Variants in CD47 observed in about 807,000 individuals in gnomAD.
CD47 encodes leukocyte surface antigen CD47.
Under a neutral mutation model 44.6 loss-of-function variants are expected in CD47, and 11 were observed. The ratio of observed to expected loss-of-function variants is 0.25; its 90% CI spans 0.16 to 0.41. The LOEUF is 0.41. CD47 is among the 10% of genes least tolerant of loss of function. CD47 has a pLI of 1.00. For synonymous variants in CD47, 140 were observed against 136.3 expected, an observed-to-expected ratio of 1.03 and a Z score of -0.19; for missense variants, 306 against 386.7, an observed-to-expected ratio of 0.79 and a Z score of 1.75.
rs2079432316 is a variant in CD47, at chr3:108,082,116, A to AT, written c.47-1773_47-1772insA. 2.0e-5 allele frequency among the ~76,000 whole-genome samples: 3 copies of AT among 152,006 alleles called. No individual in the cohort carries two copies. In the South Asian group the frequency reaches 6.2e-4, roughly 31 times the overall value. ...GATGTTCAAATTATAAAGGAAGGAA[A>AT]GTATCAGAAAATATGGTGAAGATTT... is the stretch of plus-strand genomic sequence containing the variant. On this transcript the variant is annotated intron_variant, in intron 1 of 10. Transcript: ENST00000361309.
chr3:108,048,967 C>G (rs922568807), intron 10 of CD47, among the ~76,000 whole-genome samples: 3 of 152,120 alleles, frequency 2.0e-5, no homozygotes, highest in Non-Finnish European at 4.4e-5. Flanking sequence ...ATGCTTGTAG[C>G]ACTCAATATC....
chr3:108,054,969 A>G (rs889914200), intron 7 of CD47, among the ~76,000 whole-genome samples: 1 of 152,178 alleles, frequency 6.6e-6, no homozygotes, highest in African/African-American at 2.4e-5. Context: ...GCCCAACTTT[A>G]GTGAGTTTGG....
Position 108,080,000 on chromosome 3 carries a change from A to C in CD47, c.391T>G (p.Tyr131Asp). 1.9e-6 allele frequency: 3 copies of C among 1,605,746 alleles called. No individual in the cohort carries two copies. Residue 131 changes from tyrosine to aspartate, a missense_variant, in exon 2 of 11, where the codon TAT becomes GAT. Tyr to Asp is a radical substitution (Grantham distance 160). This residue lies in a region of CD47 where 65 missense variants were observed against 119.9 expected (regional missense o/e 0.54). Coordinates refer to ENST00000361309, the MANE Select transcript of CD47 (RefSeq NM_001777.4). ...REGETIIELK[Y>D]RVVSWFSPNE... Reference sequence around the variant, plus strand: ...TTCATAGAAGTCTTACCAACACGATATTTTAGCTCGATGATCGTTTCACCT... The same window carrying C: ...TTCATAGAAGTCTTACCAACACGATCTTTTAGCTCGATGATCGTTTCACCT...
chr3:108,047,084 C>A lies in CD47; in HGVS notation c.*204G>T, dbSNP rs1451529937. Reference sequence around the variant, plus strand: ...TCTCAATTGGGCAAACAACATAGATCATAATTATTTTATTAACTAAATTAC... The same window carrying A: ...TCTCAATTGGGCAAACAACATAGATAATAATTATTTTATTAACTAAATTAC... On this transcript the variant is annotated 3_prime_UTR_variant, in exon 11 of 11. Transcript: ENST00000361309. 9.0e-6 allele frequency: 4 copies of A among 444,292 alleles called. No homozygotes were observed. In the East Asian group the frequency reaches 1.4e-4, roughly 15 times the overall value. The allele number at this position is 444,292 out of a possible 1,614,324, so 27.5% of individuals were successfully genotyped here. A position where few individuals can be genotyped will look rare whatever the true frequency, so the allele number is the denominator to read the frequency against.
chr3:108,058,197 A>T, intron 6 of CD47, 140 bp downstream of exon 6: 1 of 513,294 alleles, frequency 1.9e-6, no homozygotes, highest in Non-Finnish European at 3.4e-6. Flanking sequence ...TTTCCACTCA[A>T]TTTTGCCATG....
At chr3:108,049,357 A>C (rs2078782421) in intron 10 of CD47, among the ~76,000 whole-genome samples, 1 of 152,188 alleles carries the variant, frequency 6.6e-6, no homozygotes, top group Non-Finnish European at 1.5e-5. Context: ...AATCTGAAAA[A>C]CATTTTACAA....
intron 8 of CD47, 179 bp from the exon 9 acceptor site, chr3:108,050,781 A>G: frequency 2.1e-6 from 1 of 486,546 alleles, no homozygotes; most frequent in Non-Finnish European, 3.8e-6. Flanking sequence ...AAGCTTGCCA[A>G]GTCGGGTTAA....
intron 3 of CD47, among the ~76,000 whole-genome samples, chr3:108,066,939 T>C (rs987466971): frequency 5.9e-5 from 9 of 152,096 alleles, no homozygotes; most frequent in African/African-American, 2.2e-4. Context: ...AAAAAAACAT[T>C]AAAGGAATTC....
chr3:108,078,697 A>G (rs2079357232), intron 2 of CD47, among the ~76,000 whole-genome samples: 1 of 152,040 alleles, frequency 6.6e-6, no homozygotes, highest in Admixed American at 6.6e-5. Flanking sequence ...GAGCAGAAAG[A>G]CCTTTCAAAT....
chr3:108,066,421 G>A (rs942957362), intron 3 of CD47, among the ~76,000 whole-genome samples: 4 of 152,158 alleles, frequency 2.6e-5, no homozygotes, highest in African/African-American at 9.7e-5. Context: ...CTGAGTAACT[G>A]CATAAAGTAC....
At chr3:108,087,501 ATACTACATCT>A (rs1451008362) in intron 1 of CD47, among the ~76,000 whole-genome samples, 5 of 152,198 alleles carry the variant, frequency 3.3e-5, no homozygotes, top group Non-Finnish European at 7.4e-5. Context: ...TACTGTCTAT[ATACTACATCT>A]TAAGTCATTA....
In CD47 at chr3:108,047,109, C is replaced by T. The variant is rs980454162; in HGVS notation, c.*179G>A. On this transcript the variant is annotated 3_prime_UTR_variant, in exon 11 of 11. Transcript: ENST00000361309. ...CATAATTATTTTATTAACTAAATTA[C>T]AGCTGCTTTGAATAAAAACTTAACT... 1.8e-5 allele frequency: 8 copies of T among 455,344 alleles called. No individual in the cohort carries two copies. Among genetic ancestry groups the T allele is most frequent in the African/African-American group, 1.0e-4 (5 of 49,412 alleles). The allele number at this position is 455,344 out of a possible 1,614,324, so 28.2% of individuals were successfully genotyped here.
Position 108,060,780 on chromosome 3 carries a change from A to G in CD47, c.563T>C (p.Val188Ala), listed in dbSNP as rs1315115373. The G allele has an allele frequency of 6.2e-6, 10 of 1,613,454 alleles. No individual in the cohort carries two copies. Among genetic ancestry groups the G allele is most frequent in the Middle Eastern group, 1.6e-4 (1 of 6,082 alleles). ...AAGAATGGCTCCAACAATGACAATG[A>G]CAGTGATCACTAGTCCAGCAACAAG... ...ALLVAGLVITVIVIVGAILFV... is the reference protein window; with the variant it reads ...ALLVAGLVITAIVIVGAILFV... Residue 188 changes from valine (V) to alanine (A), a missense_variant, in exon 4 of 11, where the codon GTC becomes GCC. Val to Ala is a moderately conservative substitution (Grantham distance 64). Coordinates refer to ENST00000361309, the MANE Select transcript of CD47 (RefSeq NM_001777.4).
At chr3:108,049,422 A>C (rs77562174) in intron 10 of CD47, among the ~76,000 whole-genome samples, 197 bp downstream of exon 10, 6,950 of 152,276 alleles carry the variant, frequency 0.046, 232 homozygotes, top group African/African-American at 0.091. Context: ...GATTCGTGAC[A>C]CCCTACAGTT....
At chr3:108,058,604 C>G (rs1239578223) in intron 5 of CD47, among the ~76,000 whole-genome samples, 175 bp from the exon 6 acceptor site, 1 of 152,220 alleles carries the variant, frequency 6.6e-6, no homozygotes, top group East Asian at 1.9e-4. Flanking sequence ...AAGTAGTCAG[C>G]TCCAAATTCA....
At position 108,059,370 on chromosome 3, in the gene CD47, T is replaced by C. The variant is rs1559992151; in HGVS notation, c.691+82A>G. On this transcript the variant is annotated intron_variant, in intron 5 of 10. Coordinates refer to ENST00000361309, the MANE Select transcript of CD47 (RefSeq NM_001777.4). Reference sequence around the variant, plus strand: ...CCTACTCTTATTGAGTTGTAAAAAATTTATATGAGCATTTTCACCAAAACT... The same window carrying C: ...CCTACTCTTATTGAGTTGTAAAAAACTTATATGAGCATTTTCACCAAAACT... 7.9e-6 allele frequency: 5 copies of C among 629,472 alleles called. No individual in the cohort carries two copies. The Admixed American group carries it at 1.6e-4, about 20-fold the overall frequency. The allele number at this position is 629,472 out of a possible 1,614,324, so 39.0% of individuals were successfully genotyped here. A position where few individuals can be genotyped will look rare whatever the true frequency, so the allele number is the denominator to read the frequency against.
intron 3 of CD47, among the ~76,000 whole-genome samples, chr3:108,069,491 G>C (rs1577003917): frequency 1.3e-5 from 2 of 149,276 alleles, no homozygotes; most frequent in Non-Finnish European, 3.0e-5. Context: ...TTTATTTCTA[G>C]GTTTGGGGAC....
At position 108,051,475 on chromosome 3, in the gene CD47, G is replaced by A. The variant is rs1383697918; in HGVS notation, c.909+464C>T. ...TAAAACATTTGTATGGGAGAGGATC[G>A]AATCATAACTCCGAACAGATGTTTT... On this transcript the variant is annotated intron_variant, in intron 8 of 10. Coordinates refer to ENST00000361309, the MANE Select transcript of CD47 (RefSeq NM_001777.4). 2.6e-5 allele frequency among the ~76,000 whole-genome samples: 4 copies of A among 152,102 alleles called. 1 individual carries two copies. The highest frequency in any genetic ancestry group is 2.1e-4 in the South Asian group (1 of 4,830).
intron 2 of CD47, among the ~76,000 whole-genome samples, chr3:108,073,517 G>A (rs2079249085): frequency 6.6e-6 from 1 of 152,136 alleles, no homozygotes; most frequent in Admixed American, 6.5e-5. Flanking sequence ...GGATGGGAAG[G>A]AGCCTACATT....
Sources: gnomAD v4.1 joint callset for allele counts (sites outside exome capture counted in the v4.1 genomes callset) on GRCh38, gnomAD v4.1.1 for gene constraint, gnomAD v4.1.1 regional missense constraint, MANE v1.5 for transcripts, NCBI Gene and HGNC (gene_info 2026-07-23, HGNC 2026-07-21) for gene names.